ZPBP: variants seen among roughly 807,000 people sequenced by gnomAD.
ZPBP encodes zona pellucida binding protein, also known as zona pellucida-binding protein 1.
Under a neutral mutation model 44.8 loss-of-function variants are expected in ZPBP, and 26 were observed. The ratio of observed to expected loss-of-function variants is 0.58; its 90% CI spans 0.43 to 0.81. ZPBP has a LOEUF of 0.81. ZPBP is among the 30% of genes least tolerant of loss of function. The pLI is 0.00. For synonymous variants in ZPBP, 174 were observed against 153.2 expected, an observed-to-expected ratio of 1.14 and a Z score of -1.00; for missense variants, 409 against 434.0, an observed-to-expected ratio of 0.94 and a Z score of 0.51.
At chr7:49,869,911 T>G (rs968892339) in intron 2 of ZPBP, among the ~76,000 whole-genome samples, 1 of 152,096 alleles carries the variant, frequency 6.6e-6, no homozygotes, top group Non-Finnish European at 1.5e-5. Flanking sequence ...ACAGCAGATG[T>G]CAAAAGGAAT....
chr7:50,044,886 T>C (rs530827068), intron 4 of ZPBP, among the ~76,000 whole-genome samples: 2 of 152,186 alleles, frequency 1.3e-5, no homozygotes. Flanking sequence ...ATATCCCTGA[T>C]GAACATCGAT....
intron 3 of ZPBP, among the ~76,000 whole-genome samples, chr7:50,061,886 T>G (rs1048627685): frequency 6.6e-6 from 1 of 152,144 alleles, no homozygotes; most frequent in African/African-American, 2.4e-5. Context: ...AGAGTGAGAT[T>G]CCATCTCAAA....
At chr7:50,043,428 A>G (rs971432622) in intron 4 of ZPBP, among the ~76,000 whole-genome samples, 1 of 152,150 alleles carries the variant, frequency 6.6e-6, no homozygotes, top group African/African-American at 2.4e-5. Flanking sequence ...TATTCAGGAG[A>G]TCCATCTCAC....
chr7:50,010,550 C>T (rs987799639), intron 6 of ZPBP, among the ~76,000 whole-genome samples: 7 of 152,110 alleles, frequency 4.6e-5, no homozygotes, highest in East Asian at 3.9e-4. Context: ...CACTGCTGTA[C>T]GCCACCAACG....
At chr7:49,999,270 G>GTGTA (rs1797993101) in intron 6 of ZPBP, among the ~76,000 whole-genome samples, 1 of 147,888 alleles carries the variant, frequency 6.8e-6, no homozygotes, top group African/African-American at 2.5e-5. Context: ...ATATGTGTGT[G>GTGTA]TATATATATA....
At chr7:50,003,197 C>A (rs56409640) in intron 6 of ZPBP, among the ~76,000 whole-genome samples, 19 of 151,966 alleles carry the variant, frequency 1.3e-4, no homozygotes, top group African/African-American at 4.6e-4. Context: ...AAAAATTCCA[C>A]GTGAAGTAAC....
chr7:49,958,341 T>G (rs1335074817), intron 7 of ZPBP, among the ~76,000 whole-genome samples: 3 of 152,186 alleles, frequency 2.0e-5, no homozygotes, highest in African/African-American at 4.8e-5. Context: ...CATGAATTTT[T>G]GGGATCAAGG....
chr7:49,888,639 G>A (rs1306402950), intron 2 of ZPBP, among the ~76,000 whole-genome samples: 2 of 152,124 alleles, frequency 1.3e-5, no homozygotes, highest in Non-Finnish European at 2.9e-5. Flanking sequence ...TGCCAGGCGC[G>A]GTGGCTCACC....
intron 1 of ZPBP, among the ~76,000 whole-genome samples, chr7:49,925,964 G>A (rs1344520638): frequency 2.6e-5 from 4 of 152,232 alleles, no homozygotes; most frequent in Non-Finnish European, 5.9e-5. Flanking sequence ...TGGTCTGTCA[G>A]CGAATGTAGC....
chr7:50,051,091 G>GA (rs1229645490), intron 4 of ZPBP, among the ~76,000 whole-genome samples: 4 of 150,946 alleles, frequency 2.6e-5, no homozygotes, highest in African/African-American at 9.7e-5. Flanking sequence ...AAATTTACAA[G>GA]AAAAAAAACA....
intron 2 of ZPBP, among the ~76,000 whole-genome samples, chr7:49,851,462 C>T (rs997210169): frequency 3.3e-5 from 5 of 152,194 alleles, no homozygotes; most frequent in African/African-American, 9.7e-5. Flanking sequence ...GGGACACTTG[C>T]TTAGCGCAAT....
At chr7:50,060,999 G>T (rs1424928467) in intron 3 of ZPBP, among the ~76,000 whole-genome samples, 2 of 152,110 alleles carry the variant, frequency 1.3e-5, no homozygotes, top group East Asian at 1.9e-4. Context: ...ATGCAAGGTT[G>T]GTTCAACATA....
Position 50,019,058 on chromosome 7 carries a change from A to G in ZPBP, c.707-742T>C, listed in dbSNP as rs1398279763. 2.0e-5 allele frequency among the ~76,000 whole-genome samples: 3 copies of G among 152,206 alleles called. No individual in the cohort carries two copies. The East Asian group carries it at 5.8e-4, about 29-fold the overall frequency. On this transcript the variant is annotated intron_variant, in intron 5 of 7. Transcript: ENST00000046087. ...CTAGCCTGAGTTCTATAGGAGGTCT[A>G]CTAATAAACACAGGTATAATGTAAA... is the stretch of plus-strand genomic sequence containing the variant.
At chr7:50,075,372 A>T (rs188006470) in intron 3 of ZPBP, among the ~76,000 whole-genome samples, 1 of 152,146 alleles carries the variant, frequency 6.6e-6, no homozygotes, top group Non-Finnish European at 1.5e-5. Context: ...CTAGAAAAGC[A>T]AGAGCAAACC....
chr7:50,078,947 A>G (rs973763934), intron 3 of ZPBP, among the ~76,000 whole-genome samples: 6 of 151,582 alleles, frequency 4.0e-5, no homozygotes, highest in African/African-American at 1.2e-4. Context: ...GACAACAAGC[A>G]TACGAAAAGA....
intron 7 of ZPBP, among the ~76,000 whole-genome samples, chr7:49,963,614 T>C (rs756874181): frequency 6.6e-6 from 1 of 151,878 alleles, no homozygotes; most frequent in Non-Finnish European, 1.5e-5. Flanking sequence ...TTAACTGATG[T>C]TAGTTAAATG....
chr7:49,996,984 AT>A (rs1797875357), intron 6 of ZPBP, among the ~76,000 whole-genome samples: 1 of 152,168 alleles, frequency 6.6e-6, no homozygotes, highest in African/African-American at 2.4e-5. Context: ...CTTCCAGTTG[AT>A]TGACTGTGTT....
At chr7:50,003,920 T>G (rs1452253730) in intron 6 of ZPBP, among the ~76,000 whole-genome samples, 1 of 152,114 alleles carries the variant, frequency 6.6e-6, no homozygotes. Flanking sequence ...TTTTACAAAT[T>G]TCCCTAAATA....
chr7:49,998,051 G>A (rs1797930001), intron 6 of ZPBP, among the ~76,000 whole-genome samples: 1 of 152,124 alleles, frequency 6.6e-6, no homozygotes, highest in African/African-American at 2.4e-5. Context: ...CCAAGCAGCT[G>A]GGACTACAGG....
Sources: gnomAD v4.1 joint callset for allele counts (sites outside exome capture counted in the v4.1 genomes callset) on GRCh38, gnomAD v4.1.1 for gene constraint, MANE v1.5 for transcripts, NCBI Gene and HGNC (gene_info 2026-07-23, HGNC 2026-07-21) for gene names.